STK35: variants seen among roughly 807,000 people sequenced by gnomAD.
STK35 encodes the protein serine/threonine-protein kinase 35.
A neutral mutation model predicts 37.3 loss-of-function variants in STK35; 17 were observed. The ratio of observed to expected loss-of-function variants is 0.46; its 90% CI spans 0.31 to 0.68. STK35 has a LOEUF of 0.68. Among genes scored for constraint, STK35 ranks in the 30% least tolerant of loss-of-function variants. The probability of loss-of-function intolerance (pLI) is 0.05; values close to 1 mark genes in which losing one functional copy is unlikely to be tolerated. For synonymous variants in STK35, 385 were observed against 319.1 expected, an observed-to-expected ratio of 1.21 and a Z score of -2.20; for missense variants, 595 against 746.7, an observed-to-expected ratio of 0.80 and a Z score of 2.37.
chr20:2,118,789 G>A (rs1985765865), intron 3 of STK35, among the ~76,000 whole-genome samples: 1 of 152,196 alleles, frequency 6.6e-6, no homozygotes, highest in Non-Finnish European at 1.5e-5. Flanking sequence ...TCTGTGTTTA[G>A]ATACACAAAA....
intron 3 of STK35, among the ~76,000 whole-genome samples, chr20:2,120,560 G>A (rs1485486221): frequency 6.6e-6 from 1 of 152,228 alleles, no homozygotes; most frequent in Non-Finnish European, 1.5e-5. Context: ...ATCAGCTTCT[G>A]TAGAAGAGCT....
Position 2,148,412 on chromosome 20 carries a change from T to G in STK35, c.*4666T>G, listed in dbSNP as rs752117676. 2 of 152,662 alleles carry G rather than the reference T, an allele frequency of 1.3e-5. No individual in the cohort carries two copies. Among genetic ancestry groups the G allele is most frequent in the African/African-American group, 4.8e-5 (2 of 41,462 alleles). 9.5% of individuals were successfully genotyped at this position (152,662 alleles called of 1,614,324 possible). ...ATTTTTTGTACTTGGTTTACTTGGG[T>G]TGGTATGATACATTATATTTAAGTT... is the stretch of plus-strand genomic sequence containing the variant. On this transcript the variant is annotated 3_prime_UTR_variant, in exon 4 of 4. Coordinates refer to ENST00000381482, the MANE Select transcript of STK35 (RefSeq NM_080836.4).
intron 3 of STK35, among the ~76,000 whole-genome samples, chr20:2,136,914 G>C (rs1219398191): frequency 1.3e-5 from 2 of 152,178 alleles, no homozygotes; most frequent in African/African-American, 4.8e-5. Flanking sequence ...AGTGTTTCCT[G>C]GGGAAGGCGT....
Position 2,135,984 on chromosome 20 carries a change from G to A in STK35, c.*38-7800G>A, listed in dbSNP as rs138184176. On this transcript the variant is annotated intron_variant, in intron 3 of 3. Transcript: ENST00000381482. ...TTGCACTCCAGCCTGACAGAGCAAG[G>A]CCCTATCTCAGAAAAAAAAGCCATC... is the stretch of plus-strand genomic sequence containing the variant. Among the ~76,000 whole-genome samples the A allele has an allele frequency of 2.9e-3, 448 of 152,220 alleles. 2 individuals carry two copies. Among genetic ancestry groups the A allele is most frequent in the African/African-American group, 0.01 (419 of 41,518 alleles).
chr20:2,105,031 C>CTTA (rs1291758170), intron 2 of STK35, among the ~76,000 whole-genome samples: 1 of 151,810 alleles, frequency 6.6e-6, no homozygotes, highest in Non-Finnish European at 1.5e-5. Context: ...ATGGCACAGG[C>CTTA]TTATAGTCCC....
At position 2,117,787 on chromosome 20, in the gene STK35, C is replaced by T. The variant is rs112145086; in HGVS notation, c.*37+372C>T. Among the ~76,000 whole-genome samples the T allele has an allele frequency of 0.022, 3,359 of 152,236 alleles. 141 individuals carry two copies. Among genetic ancestry groups the T allele is most frequent in the African/African-American group, 0.077 (3,195 of 41,536 alleles). On this transcript the variant is annotated intron_variant, in intron 3 of 3. Coordinates refer to ENST00000381482, the MANE Select transcript of STK35 (RefSeq NM_080836.4). This position sits in a 1 kb window ranked among gnomAD's most constrained non-coding sequence, Gnocchi z 4.4. ...TGCCCACTTCTTGGACCGGGTTCTT[C>T]ATTCTGGACCCTGGCATGGGCCCTG...
rs1359119161 is a variant in STK35, at chr20:2,147,410, G to C, written c.*3664G>C. 1.3e-5 allele frequency: 2 copies of C among 152,658 alleles called. No individual in the cohort carries two copies. Among genetic ancestry groups the C allele is most frequent in the African/African-American group, 4.8e-5 (2 of 41,460 alleles). 9.5% of individuals were successfully genotyped at this position (152,658 alleles called of 1,614,324 possible). On this transcript the variant is annotated 3_prime_UTR_variant, in exon 4 of 4. Transcript: ENST00000381482. ...ATCTTTTTCTAAGAGAAGGAAAAGA[G>C]CTGGCATTGTGGGAATTTTCTTTTT...
intron 2 of STK35, among the ~76,000 whole-genome samples, chr20:2,113,741 T>G (rs1985663295): frequency 6.6e-6 from 1 of 152,204 alleles, no homozygotes; most frequent in Non-Finnish European, 1.5e-5. Flanking sequence ...TTAGTGATGG[T>G]CAGTGGTTCA....
Position 2,143,967 on chromosome 20 carries a change from T to C in STK35, c.*221T>C. ...TTTTTCCTTTTCTTTTCTTTTTTTT[T>C]TTTCCTCTTTCCTTTTTTTAAATTT... is the stretch of plus-strand genomic sequence containing the variant. On this transcript the variant is annotated 3_prime_UTR_variant, in exon 4 of 4. Transcript: ENST00000381482. 7.2e-6 allele frequency: 3 copies of C among 417,300 alleles called. No individual in the cohort carries two copies. The highest frequency in any genetic ancestry group is 1.4e-5 in the Non-Finnish European group (3 of 216,690). 25.8% of individuals were successfully genotyped at this position (417,300 alleles called of 1,614,324 possible).
In STK35 at chr20:2,103,231, G is replaced by A; in HGVS notation, c.758G>A (p.Ser253Asn). The change falls in exon 2 of 4, where the codon AGC becomes AAC. Residue 253 changes from serine (S) to asparagine (N), a missense_variant. By Grantham distance (46) the Ser-to-Asn change is conservative (BLOSUM62 1). This residue lies in a region of STK35 where 97 missense variants were observed against 146.4 expected (regional missense o/e 0.66). Transcript: ENST00000381482. ...CTGGCTGAATTCTGGGCCCTCACCA[G>A]CCTCAAGCGGCGCCACCAGAACGTC... Reference protein sequence around the residue: ...LALAEFWALTSLKRRHQNVVQ... With the variant: ...LALAEFWALTNLKRRHQNVVQ... The A allele has an allele frequency of 6.2e-7, 1 of 1,612,936 alleles. No homozygotes were observed. Among genetic ancestry groups the A allele is most frequent in the Non-Finnish European group, 8.5e-7 (1 of 1,179,852 alleles).
chr20:2,115,840 T>A (rs1437798990), intron 2 of STK35, among the ~76,000 whole-genome samples: 1 of 150,986 alleles, frequency 6.6e-6, no homozygotes, highest in African/African-American at 2.5e-5. Context: ...TGCCTGCCTT[T>A]TACAGGGTAA....
chr20:2,134,246 C>T (rs148530032), intron 3 of STK35, among the ~76,000 whole-genome samples: 1,524 of 133,072 alleles, frequency 0.011, 29 homozygotes, highest in African/African-American at 0.039. Context: ...GGCAACAGAG[C>T]GAGACTCCGT....
At chr20:2,130,584 C>A (rs1042994363) in intron 3 of STK35, among the ~76,000 whole-genome samples, 3 of 152,092 alleles carry the variant, frequency 2.0e-5, no homozygotes, top group Admixed American at 1.3e-4. Flanking sequence ...CTCGCTCTCT[C>A]TTTATTTATT....
intron 3 of STK35, among the ~76,000 whole-genome samples, chr20:2,120,699 A>G (rs772636425): frequency 3.9e-5 from 6 of 152,160 alleles, no homozygotes; most frequent in Non-Finnish European, 8.8e-5. Flanking sequence ...TTCTTTGGAA[A>G]CTCTTTCCAA....
chr20:2,138,106 G>C (rs1986116106), intron 3 of STK35, among the ~76,000 whole-genome samples: 1 of 152,206 alleles, frequency 6.6e-6, no homozygotes, highest in South Asian at 2.1e-4. Flanking sequence ...GGTATCATTA[G>C]CTACAGTGAT....
intron 3 of STK35, among the ~76,000 whole-genome samples, chr20:2,137,277 G>A (rs1259260504): frequency 3.3e-5 from 5 of 152,160 alleles, no homozygotes; most frequent in Admixed American, 6.5e-5. Flanking sequence ...ACTGAGGCTC[G>A]GGGGACCCTG....
chr20:2,102,325 G>C, intron 1 of STK35, 150 bp downstream of exon 1: 1 of 1,115,722 alleles, frequency 9.0e-7, no homozygotes, highest in South Asian at 1.9e-5. Flanking sequence ...GTCGCCCTCG[G>C]GGACTTGGGT....
chr20:2,103,748 CTCTT>C (rs1272654292), intron 2 of STK35, among the ~76,000 whole-genome samples: 2 of 152,194 alleles, frequency 1.3e-5, no homozygotes, highest in African/African-American at 4.8e-5. Context: ...GAGGGCCTCT[CTCTT>C]TCCCTCCCAA....
rs1430929547 is a variant in STK35 at position 2,101,835 on chromosome 20, T to C, written c.-47T>C. On this transcript the variant is annotated 5_prime_UTR_variant, in exon 1 of 4. Transcript: ENST00000381482. ...TCGGCTGCGGCTGCTCCGTCGACCT[T>C]TGCAGGACCGGGCGGTGCAGGGCTC... The C allele has an allele frequency of 2.3e-6, 3 of 1,307,986 alleles. No homozygotes were observed. Among genetic ancestry groups the C allele is most frequent in the East Asian group, 3.1e-5 (1 of 32,234 alleles). The allele number at this position is 1,307,986 out of a possible 1,614,324, so 81.0% of individuals were successfully genotyped here.
Sources: gnomAD v4.1 joint callset for allele counts (sites outside exome capture counted in the v4.1 genomes callset) on GRCh38, gnomAD v4.1.1 for gene constraint, gnomAD v4.1.1 regional missense constraint, Gnocchi (gnomAD v3.1) non-coding constraint, MANE v1.5 for transcripts, NCBI Gene and HGNC (gene_info 2026-07-23, HGNC 2026-07-21) for gene names.